The following PPP5C variants were observed in gnomAD, a reference collection of about 807,000 sequenced individuals.
PPP5C encodes the protein serine/threonine-protein phosphatase 5.
A neutral mutation model predicts 66.7 loss-of-function variants in PPP5C; 21 were observed. The ratio of observed to expected loss-of-function variants is 0.31; its 90% CI spans 0.22 to 0.45. The LOEUF is 0.45. PPP5C is among the 20% of genes least tolerant of loss of function. The probability of loss-of-function intolerance (pLI) is 1.00; values close to 1 mark genes in which losing one functional copy is unlikely to be tolerated. For missense variants in PPP5C, 464 were observed against 675.9 expected, an observed-to-expected ratio of 0.69 and a Z score of 3.48; for synonymous variants, 246 against 257.4, an observed-to-expected ratio of 0.96 and a Z score of 0.43.
intron 3 of PPP5C, 51 bp downstream of exon 3, chr19:46,375,802 G>C: frequency 1.3e-6 from 2 of 1,528,300 alleles, no homozygotes; most frequent in South Asian, 1.2e-5. Context: ...TTCCACACGG[G>C]CCTTCTCCAT....
At position 46,388,058 on chromosome 19, in the gene PPP5C, C is replaced by T. The variant is rs574520423; in HGVS notation, c.1136-350C>T. On this transcript the variant is annotated intron_variant, in intron 9 of 12. Transcript: ENST00000012443. The surrounding 1 kb of genome is among the most constrained non-coding windows in gnomAD (Gnocchi z 4.9). The stretch of plus-strand genomic sequence containing the variant: ...GGTTCACTGGGCCCAAATCCTATGG[C>T]GCTTTACAGGCCCCAGTGAGGAACT... 53 of 307,582 alleles carry T rather than the reference C, an allele frequency of 1.7e-4. 1 individual carries two copies. Among genetic ancestry groups the T allele is most frequent in the Admixed American group, 3.6e-4 (8 of 22,430 alleles). The allele number at this position is 307,582 out of a possible 1,614,324, so 19.1% of individuals were successfully genotyped here. A position where few individuals can be genotyped will look rare whatever the true frequency, so the allele number is the denominator to read the frequency against.
At chr19:46,386,847 A>G (rs1972897469) in intron 7 of PPP5C, 1 of 575,072 alleles carries the variant, frequency 1.7e-6, no homozygotes. Flanking sequence ...GCTGGGCTCA[A>G]GCAGTTCTGC....
rs201662273 is a variant in PPP5C at position 46,376,603 on chromosome 19, C to T, written c.633+29C>T. 82 of 1,608,576 alleles carry T rather than the reference C, an allele frequency of 5.1e-5. No homozygotes were observed. The African/African-American group carries it at 8.5e-4, about 17-fold the overall frequency. Reference sequence around the variant, plus strand: ...ATGCATCTGTCAGGTACTGGGCACCCGGGAACCCTGGGATGGCATCACAGC... The same window carrying T: ...ATGCATCTGTCAGGTACTGGGCACCTGGGAACCCTGGGATGGCATCACAGC... On this transcript the variant is annotated intron_variant, in intron 4 of 12. Coordinates refer to ENST00000012443, the MANE Select transcript of PPP5C (RefSeq NM_006247.4). This position sits in a 1 kb window ranked among gnomAD's most constrained non-coding sequence, Gnocchi z 5.1.
chr19:46,361,873 A>G (rs1972398879), intron 2 of PPP5C, among the ~76,000 whole-genome samples: 1 of 152,224 alleles, frequency 6.6e-6, no homozygotes, highest in Admixed American at 6.5e-5. Context: ...AAAACCTTAT[A>G]AACAAATCTA....
At chr19:46,363,336 A>AAAAAAAAAAAAAAAAAAAAAC (rs1972431461) in intron 2 of PPP5C, among the ~76,000 whole-genome samples, 1 of 85,980 alleles carries the variant, frequency 1.2e-5, no homozygotes, top group Non-Finnish European at 2.3e-5. Flanking sequence ...AAAAAAAAAA[A>AAAAAAAAAAAAAAAAAAAAAC]AAAAAAAAAA....
chr19:46,390,806 T>C lies in PPP5C; in HGVS notation c.*460T>C. The C allele has an allele frequency of 8.9e-7, 1 of 1,126,184 alleles. No individual in the cohort carries two copies. Among genetic ancestry groups the C allele is most frequent in the Non-Finnish European group, 1.1e-6 (1 of 908,306 alleles). The allele number at this position is 1,126,184 out of a possible 1,614,324, so 69.8% of individuals were successfully genotyped here. ...GGCTCACCCCCCTCCCCAGCTATTT[T>C]ATGTCTGTAATTAAATATGTTAAAA... On this transcript the variant is annotated 3_prime_UTR_variant, in exon 13 of 13. Coordinates refer to ENST00000012443, the MANE Select transcript of PPP5C (RefSeq NM_006247.4).
intron 2 of PPP5C, among the ~76,000 whole-genome samples, chr19:46,375,317 G>C (rs1177628197): frequency 6.6e-6 from 1 of 152,192 alleles, no homozygotes; most frequent in East Asian, 1.9e-4. Flanking sequence ...ATTCTCACAG[G>C]GCACCTGAAG....
chr19:46,350,047 G>A (rs1450224812), intron 1 of PPP5C, among the ~76,000 whole-genome samples: 1 of 151,886 alleles, frequency 6.6e-6, no homozygotes, highest in Non-Finnish European at 1.5e-5. Flanking sequence ...GGGCTCTGGG[G>A]AGCCCTGGGA....
At position 46,390,360 on chromosome 19, in the gene PPP5C, G is replaced by A. The variant is rs535060247; in HGVS notation, c.*14G>A. On this transcript the variant is annotated 3_prime_UTR_variant, in exon 13 of 13. Coordinates refer to ENST00000012443, the MANE Select transcript of PPP5C (RefSeq NM_006247.4). ...GGAATGATGTGAGGTGACGGGCGGG[G>A]CGGCCTGCATCCCAGGGCCCCTCCA... 2.6e-6 allele frequency: 4 copies of A among 1,564,294 alleles called. No individual in the cohort carries two copies. In the Admixed American group the frequency reaches 5.7e-5, roughly 22 times the overall value.
At chr19:46,353,656 T>C (rs1972231298) in intron 1 of PPP5C, 92 bp from the exon 2 acceptor site, 2 of 1,559,460 alleles carry the variant, frequency 1.3e-6, no homozygotes, top group Non-Finnish European at 1.7e-6. Context: ...AGCTTCCCCA[T>C]CTGTGAACAG....
chr19:46,366,318 G>A (rs1026812451), intron 2 of PPP5C, among the ~76,000 whole-genome samples: 1 of 152,060 alleles, frequency 6.6e-6, no homozygotes, highest in African/African-American at 2.4e-5. Context: ...CTTGGGAAGA[G>A]CACTGGAGAA....
Position 46,383,221 on chromosome 19 carries a change from C to T in PPP5C, c.634-190C>T. On this transcript the variant is annotated intron_variant, in intron 4 of 12. Coordinates refer to ENST00000012443, the MANE Select transcript of PPP5C (RefSeq NM_006247.4). This position sits in a 1 kb window ranked among gnomAD's most constrained non-coding sequence, Gnocchi z 5.0. ...CGCAATGCTTCGGCACTGCACAGGC[C>T]ACAGAAGCCTGCGGCTGCCTCCGGC... The T allele has an allele frequency of 2.6e-6, 4 of 1,536,444 alleles. No individual in the cohort carries two copies. The highest frequency in any genetic ancestry group is 2.6e-6 in the Non-Finnish European group (3 of 1,144,484).
At chr19:46,356,226 G>A (rs901891527) in intron 2 of PPP5C, among the ~76,000 whole-genome samples, 3 of 152,208 alleles carry the variant, frequency 2.0e-5, no homozygotes, top group Admixed American at 1.3e-4. Context: ...ATTTCCCCAT[G>A]GGGGCTCTCC....
chr19:46,360,651 C>T (rs1170957009), intron 2 of PPP5C, among the ~76,000 whole-genome samples: 1 of 152,098 alleles, frequency 6.6e-6, no homozygotes, highest in Non-Finnish European at 1.5e-5. Context: ...CAGGCATGTG[C>T]CACCACACCC....
intron 4 of PPP5C, among the ~76,000 whole-genome samples, chr19:46,380,461 T>C (rs1972771072): frequency 6.6e-6 from 1 of 152,222 alleles, no homozygotes; most frequent in African/African-American, 2.4e-5. Flanking sequence ...TCTAAAGAAA[T>C]ACACGTATGA....
intron 9 of PPP5C, chr19:46,387,977 AG>A (rs975011772): frequency 7.4e-6 from 2 of 270,176 alleles, no homozygotes; most frequent in African/African-American, 4.3e-5. Context: ...GTCCTAAGGC[AG>A]GGAGAAGTTG....
rs1024540779 is a variant in PPP5C at position 46,383,625 on chromosome 19, C to T, written c.699+149C>T. The T allele has an allele frequency of 4.9e-6, 5 of 1,028,812 alleles. No homozygotes were observed. The highest frequency in any genetic ancestry group is 4.3e-6 in the Non-Finnish European group (3 of 701,104). The allele number at this position is 1,028,812 out of a possible 1,614,324, so 63.7% of individuals were successfully genotyped here. On this transcript the variant is annotated intron_variant, in intron 5 of 12. Coordinates refer to ENST00000012443, the MANE Select transcript of PPP5C (RefSeq NM_006247.4). The surrounding 1 kb of genome is among the most constrained non-coding windows in gnomAD (Gnocchi z 5.0). ...CTTTCCTCCTGAATATCCCATTTCT[C>T]TCCTGGCCTCTTGGTCTTCGTTTGT...
At chr19:46,381,399 A>G (rs1193182275) in intron 4 of PPP5C, 1 of 152,178 alleles carries the variant, frequency 6.6e-6, no homozygotes, top group African/African-American at 2.4e-5. Context: ...TATGCCAGCT[A>G]TTTTGTATAA....
At chr19:46,354,582 C>A (rs1260471147) in intron 2 of PPP5C, among the ~76,000 whole-genome samples, 2 of 152,026 alleles carry the variant, frequency 1.3e-5, no homozygotes, top group Admixed American at 1.3e-4. Context: ...TTGCTTGAGC[C>A]CAGGAGTTTA....
Sources: gnomAD v4.1 joint callset for allele counts (sites outside exome capture counted in the v4.1 genomes callset) on GRCh38, gnomAD v4.1.1 for gene constraint, Gnocchi (gnomAD v3.1) non-coding constraint, MANE v1.5 for transcripts, NCBI Gene and HGNC (gene_info 2026-07-23, HGNC 2026-07-21) for gene names.